HTR1F: variants seen among roughly 807,000 people sequenced by gnomAD.
The protein encoded by HTR1F is 5-hydroxytryptamine receptor 1F.
Under a neutral mutation model 24.0 loss-of-function variants are expected in HTR1F, and 17 were observed. That is an observed-to-expected ratio of 0.71 (90% CI 0.48 to 1.06). The LOEUF (loss-of-function observed/expected upper bound fraction) is 1.06. HTR1F is among the 50% of genes least tolerant of loss of function. The pLI, the probability that HTR1F is intolerant of heterozygous loss-of-function variation, is 0.00. For synonymous variants in HTR1F, 186 were observed against 156.8 expected (o/e 1.19, Z -1.39); for missense variants, 391 against 427.8 (o/e 0.91, Z 0.76).
chr3:87,795,100 G>T (rs1241966446), intron 1 of HTR1F, among the ~76,000 whole-genome samples: 1 of 144,816 alleles, frequency 6.9e-6, no homozygotes, highest in Non-Finnish European at 1.5e-5. Flanking sequence ...CGATTCTCCT[G>T]CCTCAGCCTC....
At chr3:87,871,829 C>T (rs1202651499) in intron 2 of HTR1F, among the ~76,000 whole-genome samples, 5 of 151,964 alleles carry the variant, frequency 3.3e-5, no homozygotes, top group African/African-American at 7.2e-5. Context: ...TTCAATACCT[C>T]GCTTACAACA....
rs578095045 is a variant in HTR1F at position 87,938,917 on chromosome 3, C to T, written c.-42-51791C>T. The stretch of plus-strand genomic sequence containing the variant: ...ACAAAGACACCAAAAGCAATCACAA[C>T]GAAAGCAAAAATTGACATATGGATC... On this transcript the variant is annotated intron_variant, in intron 2 of 2. Coordinates refer to ENST00000319595, the MANE Select transcript of HTR1F (RefSeq NM_001322209.2). Among the ~76,000 whole-genome samples the T allele has an allele frequency of 2.6e-5, 4 of 152,244 alleles. No homozygotes were observed. The East Asian group carries it at 5.8e-4, about 22-fold the overall frequency.
intron 2 of HTR1F, among the ~76,000 whole-genome samples, chr3:87,933,899 A>T (rs1477201739): frequency 1.3e-5 from 2 of 152,204 alleles, no homozygotes; most frequent in Non-Finnish European, 2.9e-5. Context: ...GATACTTTCC[A>T]GCCTATAATG....
At chr3:87,858,059 G>A (rs1274672075) in intron 2 of HTR1F, among the ~76,000 whole-genome samples, 1 of 152,080 alleles carries the variant, frequency 6.6e-6, no homozygotes, top group Non-Finnish European at 1.5e-5. Context: ...ACAGTAAAAG[G>A]AGAAAGCGAA....
At chr3:87,883,454 A>T (rs28880606) in intron 2 of HTR1F, among the ~76,000 whole-genome samples, 12,833 of 152,224 alleles carry the variant, frequency 0.084, 1,721 homozygotes, top group African/African-American at 0.29. Context: ...AACAGAACAA[A>T]GCTGGATGGA....
At chr3:87,817,501 C>T (rs73143319) in intron 1 of HTR1F, among the ~76,000 whole-genome samples, 7,758 of 152,190 alleles carry the variant, frequency 0.051, 245 homozygotes, top group Middle Eastern at 0.092. Flanking sequence ...TGCAAAATTC[C>T]TACATAGAAT....
At chr3:87,918,363 T>C (rs148212468) in intron 2 of HTR1F, among the ~76,000 whole-genome samples, 1,761 of 152,130 alleles carry the variant, frequency 0.012, 15 homozygotes, top group Admixed American at 0.024. Flanking sequence ...CTGGAAGTCC[T>C]AGCCAGAGCA....
intron 2 of HTR1F, among the ~76,000 whole-genome samples, chr3:87,917,289 A>G (rs1703914358): frequency 6.6e-6 from 1 of 151,778 alleles, no homozygotes; most frequent in Non-Finnish European, 1.5e-5. Context: ...CTAAGGTCAC[A>G]CCTCAAGAAA....
chr3:87,936,892 T>C (rs1704433530), intron 2 of HTR1F, among the ~76,000 whole-genome samples: 1 of 148,598 alleles, frequency 6.7e-6, no homozygotes, highest in Admixed American at 6.6e-5. Context: ...ACAAAGAAAT[T>C]CCTAGACTCT....
chr3:87,952,563 G>A (rs17025198), intron 2 of HTR1F, among the ~76,000 whole-genome samples: 40,907 of 151,712 alleles, frequency 0.27, 5,982 homozygotes, highest in African/African-American at 0.39. Context: ...AATAAATTGC[G>A]ATCAGCCCTA....
At chr3:87,822,777 T>C (rs1160306018) in intron 2 of HTR1F, among the ~76,000 whole-genome samples, 1 of 152,238 alleles carries the variant, frequency 6.6e-6, no homozygotes, top group Non-Finnish European at 1.5e-5. Context: ...TCTGATTATA[T>C]GTGTACATAA....
At chr3:87,834,017 C>T (rs1704634925) in intron 2 of HTR1F, among the ~76,000 whole-genome samples, 1 of 152,128 alleles carries the variant, frequency 6.6e-6, no homozygotes. Context: ...AACTCAGGTG[C>T]ACATTTTGTG....
At chr3:87,987,382 G>C (rs1423259317) in intron 2 of HTR1F, among the ~76,000 whole-genome samples, 2 of 151,424 alleles carry the variant, frequency 1.3e-5, no homozygotes, top group Non-Finnish European at 2.9e-5. Context: ...TAAAGACTGT[G>C]AGGTTCACTG....
chr3:87,898,762 C>A (rs911749412), intron 2 of HTR1F, among the ~76,000 whole-genome samples: 3 of 151,446 alleles, frequency 2.0e-5, no homozygotes, highest in African/African-American at 7.3e-5. Flanking sequence ...TTTATTTATT[C>A]ATCTTAGTTA....
intron 2 of HTR1F, 101 bp from the exon 3 acceptor site, chr3:87,990,607 T>C: frequency 1.6e-6 from 1 of 609,482 alleles, no homozygotes; most frequent in East Asian, 2.8e-5. Flanking sequence ...TATAGAATAT[T>C]CTGGGTAAAC....
intron 2 of HTR1F, among the ~76,000 whole-genome samples, chr3:87,904,778 A>C (rs1348456770): frequency 6.6e-6 from 1 of 152,092 alleles, no homozygotes; most frequent in Non-Finnish European, 1.5e-5. Context: ...CCATTTTTCA[A>C]ATACCAGTAA....
intron 1 of HTR1F, among the ~76,000 whole-genome samples, chr3:87,818,679 C>CCCAT (rs1704295755): frequency 1.3e-5 from 2 of 152,130 alleles, no homozygotes; most frequent in African/African-American, 4.8e-5. Context: ...CCCCTGTTTA[C>CCCAT]CCATCCACAG....
At chr3:87,902,260 T>G (rs1228478878) in intron 2 of HTR1F, among the ~76,000 whole-genome samples, 1 of 152,032 alleles carries the variant, frequency 6.6e-6, no homozygotes, top group Non-Finnish European at 1.5e-5. Context: ...AAAAAGATAC[T>G]CACGCAGAAA....
intron 2 of HTR1F, among the ~76,000 whole-genome samples, chr3:87,844,097 C>A (rs934411890): frequency 6.6e-6 from 1 of 150,418 alleles, no homozygotes; most frequent in African/African-American, 2.5e-5. Context: ...CCTGAGGAAT[C>A]GCCACACTGA....
Sources: allele counts gnomAD v4.1 joint callset (sites outside exome capture counted in the v4.1 genomes callset), GRCh38; gene constraint gnomAD v4.1.1; transcripts MANE v1.5; gene names NCBI Gene and HGNC (gene_info 2026-07-23, HGNC 2026-07-21).